PSD2: variants seen among roughly 807,000 people sequenced by gnomAD.
PSD2 encodes the protein pleckstrin and Sec7 domain containing 2.
Under a neutral mutation model 69.8 loss-of-function variants are expected in PSD2, and 38 were observed. That is an observed-to-expected ratio of 0.54 (90% CI 0.42 to 0.71). The LOEUF (loss-of-function observed/expected upper bound fraction) is 0.71, where lower values mean the gene tolerates loss of function less well. PSD2 is among the 30% of genes least tolerant of loss of function. PSD2 has a pLI of 0.00. For synonymous variants in PSD2, 412 were observed against 423.0 expected (o/e 0.97, Z 0.32); for missense variants, 943 against 1,014.5 (o/e 0.93, Z 0.96).
intron 1 of PSD2, among the ~76,000 whole-genome samples, chr5:139,807,215 C>T (rs750297830): frequency 5.9e-5 from 9 of 152,212 alleles, no homozygotes; most frequent in Non-Finnish European, 1.3e-4. Context: ...GAGCTTGAGT[C>T]ATCCTGGTGA....
chr5:139,794,979 C>G (rs1759483103), upstream of PSD2, among the ~76,000 whole-genome samples: 1 of 152,118 alleles, frequency 6.6e-6, no homozygotes, highest in Non-Finnish European at 1.5e-5. Context: ...TGGGGAGACA[C>G]CGTGGGACAG....
At chr5:139,830,341 T>C (rs1455837372) in intron 7 of PSD2, among the ~76,000 whole-genome samples, 1 of 149,184 alleles carries the variant, frequency 6.7e-6, no homozygotes, top group Non-Finnish European at 1.5e-5. Context: ...CTCTTGATAG[T>C]GTTCTTTTTT....
chr5:139,785,980 T>A, the PSD2 span, among the ~76,000 whole-genome samples: 1 of 151,392 alleles, frequency 6.6e-6, no homozygotes, highest in Non-Finnish European at 1.5e-5. Context: ...TCCCAGCTAC[T>A]TGAGAGGCTG....
At chr5:139,766,930 C>CCT in the PSD2 span, among the ~76,000 whole-genome samples, 151 of 44,120 alleles carry the variant, frequency 3.4e-3, 9 homozygotes, top group South Asian at 0.02. Flanking sequence ...CCTTCCTTCC[C>CCT]TTCTTTCTTT....
intron 1 of PSD2, among the ~76,000 whole-genome samples, chr5:139,805,712 C>T (rs1320272144): frequency 6.6e-6 from 1 of 151,784 alleles, no homozygotes; most frequent in Non-Finnish European, 1.5e-5. Context: ...GCATTCTAGG[C>T]CACGGGTATA....
chr5:139,745,587 C>T, the PSD2 span, among the ~76,000 whole-genome samples: 1 of 152,258 alleles, frequency 6.6e-6, no homozygotes, highest in Non-Finnish European at 1.5e-5. Flanking sequence ...CTGCTCCTAG[C>T]TGCCAATGTC....
At chr5:139,822,063 C>G (rs575947672) in intron 6 of PSD2, 58 bp downstream of exon 6, 9 of 1,112,216 alleles carry the variant, frequency 8.1e-6, no homozygotes, top group East Asian at 2.5e-5. Flanking sequence ...AGGCCCTGGT[C>G]CCCTCCCATC....
the PSD2 span, among the ~76,000 whole-genome samples, chr5:139,785,083 A>T: frequency 2.6e-5 from 4 of 151,592 alleles, no homozygotes; most frequent in East Asian, 7.8e-4. Flanking sequence ...CTTTTGTTCA[A>T]CTTCATCCTT....
upstream of PSD2, among the ~76,000 whole-genome samples, chr5:139,793,828 G>A (rs1484280217): frequency 6.6e-6 from 1 of 152,134 alleles, no homozygotes; most frequent in African/African-American, 2.4e-5. Flanking sequence ...CAGCTCTTTC[G>A]GTCCCCATCC....
chr5:139,761,371 G>C, the PSD2 span, among the ~76,000 whole-genome samples: 2 of 152,164 alleles, frequency 1.3e-5, no homozygotes, highest in Admixed American at 1.3e-4. Context: ...CATTTCATCA[G>C]TGTTGTAGAA....
At chr5:139,791,377 C>A (rs1237565075), upstream of PSD2, among the ~76,000 whole-genome samples, 1 of 152,186 alleles carries the variant, frequency 6.6e-6, no homozygotes, top group Non-Finnish European at 1.5e-5. Context: ...CTGCACTGAT[C>A]TGAGATCATG....
rs1431335939 is a variant in PSD2 at position 139,802,450 on chromosome 5, C to T, written c.-51+6475C>T. 2.6e-5 allele frequency among the ~76,000 whole-genome samples: 4 copies of T among 151,568 alleles called. No homozygotes were observed. The East Asian group carries it at 7.8e-4, about 30-fold the overall frequency. On this transcript the variant is annotated intron_variant, in intron 1 of 14. Coordinates refer to ENST00000274710, the MANE Select transcript of PSD2 (RefSeq NM_032289.4). ...TGGGAGGATTTGCACTTGGTCAGTC[C>T]ATTGTAGCTCTCAGGATTCAACTCT... is the stretch of plus-strand genomic sequence containing the variant.
chr5:139,838,530 C>T lies in PSD2; in HGVS notation c.1824-98C>T, dbSNP rs568258098. 4.4e-4 allele frequency: 598 copies of T among 1,371,034 alleles called. 1 individual carries two copies. The African/African-American group carries it at 4.9e-3, about 11-fold the overall frequency. 84.9% of individuals were successfully genotyped at this position (1,371,034 alleles called of 1,614,324 possible). On this transcript the variant is annotated intron_variant, in intron 12 of 14. Coordinates refer to ENST00000274710, the MANE Select transcript of PSD2 (RefSeq NM_032289.4). ...TCCACCCATCTAGAGGTACTGGTGC[C>T]TTCTCAGTGCCAGGCCCAGTGCTGG... is the stretch of plus-strand genomic sequence containing the variant.
chr5:139,814,901 C>T lies in PSD2; in HGVS notation c.1016+537C>T, dbSNP rs1760079325. Reference sequence around the variant, plus strand: ...GCCCCAAAGGGGACCAGGGGACAGGCGGGATTGCAGGACCGAGGAAGTCTG... The same window carrying T: ...GCCCCAAAGGGGACCAGGGGACAGGTGGGATTGCAGGACCGAGGAAGTCTG... On this transcript the variant is annotated intron_variant, in intron 4 of 14. Coordinates refer to ENST00000274710, the MANE Select transcript of PSD2 (RefSeq NM_032289.4). The surrounding 1 kb of genome is among the most constrained non-coding windows in gnomAD (Gnocchi z 4.4). Among the ~76,000 whole-genome samples the T allele has an allele frequency of 6.6e-6, 1 of 152,206 alleles. No homozygotes were observed. The highest frequency in any genetic ancestry group is 1.5e-5 in the Non-Finnish European group (1 of 68,032).
At chr5:139,795,579 T>G (rs1268753740), upstream of PSD2, among the ~76,000 whole-genome samples, 2 of 151,836 alleles carry the variant, frequency 1.3e-5, no homozygotes, top group African/African-American at 2.4e-5. The surrounding 1 kb of genome is among the most constrained non-coding windows in gnomAD (Gnocchi z 4.5). Context: ...CCCCCCTTTC[T>G]TAAAGGGCCC....
intron 2 of PSD2, among the ~76,000 whole-genome samples, chr5:139,810,078 C>T (rs1759921982): frequency 1.3e-5 from 2 of 152,086 alleles, no homozygotes; most frequent in African/African-American, 4.8e-5. Flanking sequence ...TGCTGCCCTC[C>T]CTCCATCCCA....
intron 1 of PSD2, among the ~76,000 whole-genome samples, chr5:139,799,260 G>T (rs112696541): frequency 6.6e-6 from 1 of 152,108 alleles, no homozygotes; most frequent in Non-Finnish European, 1.5e-5. Context: ...GGTAATCTGC[G>T]CACCAGGTCA....
chr5:139,807,620 C>T (rs1232384427), intron 1 of PSD2, among the ~76,000 whole-genome samples: 2 of 152,092 alleles, frequency 1.3e-5, no homozygotes, highest in Non-Finnish European at 2.9e-5. Flanking sequence ...ATGAAGTTAT[C>T]AAAATTCTAG....
chr5:139,815,209 C>T (rs1760089148), intron 4 of PSD2, among the ~76,000 whole-genome samples: 1 of 148,706 alleles, frequency 6.7e-6, no homozygotes, highest in South Asian at 2.1e-4. Context: ...CTCCCTCCAC[C>T]CTCCTCAGTC....
Sources: allele counts gnomAD v4.1 joint callset (sites outside exome capture counted in the v4.1 genomes callset), GRCh38; gene constraint gnomAD v4.1.1; non-coding constraint Gnocchi (gnomAD v3.1); transcripts MANE v1.5; gene names NCBI Gene and HGNC (gene_info 2026-07-23, HGNC 2026-07-21).